Variants in PALM2AKAP2 observed in about 807,000 individuals in gnomAD.
The protein encoded by PALM2AKAP2 is PALM2 and AKAP2 fusion.
A neutral mutation model predicts 71.5 loss-of-function variants in PALM2AKAP2; 37 were observed. The ratio of observed to expected loss-of-function variants is 0.52; its 90% CI spans 0.40 to 0.68. The LOEUF is 0.68. Among genes scored for constraint, PALM2AKAP2 ranks in the 30% least tolerant of loss-of-function variants. The pLI is 0.00. For missense variants in PALM2AKAP2, 1,224 were observed against 1,191.8 expected (o/e 1.03, Z -0.40); for synonymous variants, 468 against 478.8 (o/e 0.98, Z 0.29).
At chr9:109,945,965 T>C (rs1831495229) in intron 6 of PALM2AKAP2, 1 of 152,262 alleles carries the variant, frequency 6.6e-6, no homozygotes, top group Non-Finnish European at 1.5e-5. Context: ...CTCTATACTT[T>C]TATTAGTAAA....
At chr9:109,710,714 C>T (rs1044215439) in intron 1 of PALM2AKAP2, among the ~76,000 whole-genome samples, 1 of 152,164 alleles carries the variant, frequency 6.6e-6, no homozygotes, top group African/African-American at 2.4e-5. Flanking sequence ...CCCTCCTCTC[C>T]TCACCTTGGG....
intron 1 of PALM2AKAP2, among the ~76,000 whole-genome samples, chr9:109,796,616 A>T (rs1827260087): frequency 6.6e-6 from 1 of 152,210 alleles, no homozygotes; most frequent in African/African-American, 2.4e-5. Context: ...ACAGTTCTGC[A>T]TGTCTGGGGA....
intron 1 of PALM2AKAP2, among the ~76,000 whole-genome samples, chr9:109,844,006 T>C (rs1025890233): frequency 4.6e-5 from 7 of 152,188 alleles, no homozygotes; most frequent in African/African-American, 1.7e-4. Flanking sequence ...AAAACAACGG[T>C]TTTGCAGATT....
At chr9:110,051,046 G>A (rs543771415) in intron 1 of PALM2AKAP2, among the ~76,000 whole-genome samples, 5 of 152,340 alleles carry the variant, frequency 3.3e-5, no homozygotes, top group African/African-American at 1.2e-4. Flanking sequence ...AAGTAAGGCT[G>A]CCTGTCTCCC....
At chr9:109,870,510 G>A (rs1400610232) in intron 2 of PALM2AKAP2, among the ~76,000 whole-genome samples, 2 of 152,208 alleles carry the variant, frequency 1.3e-5, no homozygotes, top group African/African-American at 4.8e-5. Context: ...TGCCTAACAC[G>A]TGCCTGGTAC....
intron 2 of PALM2AKAP2, among the ~76,000 whole-genome samples, chr9:110,145,891 CTTTT>C (rs61137720): frequency 1.6e-5 from 1 of 64,454 alleles, no homozygotes. Flanking sequence ...CCTCACTCTT[CTTTT>C]TTTTTTTTTT....
At chr9:110,149,075 G>T (rs569932656) in intron 2 of PALM2AKAP2, among the ~76,000 whole-genome samples, 2 of 152,150 alleles carry the variant, frequency 1.3e-5, no homozygotes, top group African/African-American at 2.4e-5. Flanking sequence ...AAATCCATCC[G>T]GCCTGGAAAA....
chr9:109,766,059 G>A (rs1184245191), intron 1 of PALM2AKAP2, among the ~76,000 whole-genome samples: 1 of 152,118 alleles, frequency 6.6e-6, no homozygotes, highest in African/African-American at 2.4e-5. Context: ...GGCTGTCTTG[G>A]GCTTCTCTGA....
At chr9:109,773,087 C>T (rs1203887168) in intron 1 of PALM2AKAP2, among the ~76,000 whole-genome samples, 2 of 151,738 alleles carry the variant, frequency 1.3e-5, no homozygotes, top group Non-Finnish European at 2.9e-5. Context: ...CACTGCACTC[C>T]AGTCTGGGTG....
chr9:109,669,934 T>C (rs1827550316), intron 1 of PALM2AKAP2, among the ~76,000 whole-genome samples: 3 of 152,008 alleles, frequency 2.0e-5, no homozygotes, highest in African/African-American at 4.8e-5. Flanking sequence ...ATTTTTCTTC[T>C]ATGTATTTTG....
intron 6 of PALM2AKAP2, among the ~76,000 whole-genome samples, chr9:109,992,112 A>G (rs1238494589): frequency 1.3e-5 from 2 of 152,134 alleles, no homozygotes; most frequent in Non-Finnish European, 1.5e-5. Context: ...GAAGTCCAAA[A>G]TCAAGGTGTT....
chr9:109,926,230 T>C (rs1365787811), intron 5 of PALM2AKAP2, among the ~76,000 whole-genome samples: 1 of 152,234 alleles, frequency 6.6e-6, no homozygotes, highest in East Asian at 1.9e-4. Context: ...TGAAGGATAG[T>C]TCTGACTTTG....
At chr9:109,669,306 C>T (rs552341084) in intron 1 of PALM2AKAP2, among the ~76,000 whole-genome samples, 1 of 151,156 alleles carries the variant, frequency 6.6e-6, no homozygotes, top group African/African-American at 2.4e-5. Context: ...TTGTCATATA[C>T]TTTTTTCTAG....
chr9:109,998,007 C>G (rs920667148), intron 6 of PALM2AKAP2, among the ~76,000 whole-genome samples: 6 of 152,174 alleles, frequency 3.9e-5, no homozygotes, highest in Admixed American at 3.3e-4. Flanking sequence ...TTTAAAAATC[C>G]ACAGGGTTAC....
intron 3 of PALM2AKAP2, among the ~76,000 whole-genome samples, chr9:109,897,609 G>A (rs1413121525): frequency 6.6e-6 from 1 of 152,096 alleles, no homozygotes; most frequent in Non-Finnish European, 1.5e-5. Flanking sequence ...ATTTGACAAT[G>A]ACGATAGCTG....
At chr9:110,106,758 G>A (rs1187422829) in intron 1 of PALM2AKAP2, among the ~76,000 whole-genome samples, 1 of 152,216 alleles carries the variant, frequency 6.6e-6, no homozygotes, top group Non-Finnish European at 1.5e-5. Context: ...AAGGGGATAT[G>A]TGCATTTAAA....
chr9:110,075,963 G>A (rs1237678278), intron 1 of PALM2AKAP2, among the ~76,000 whole-genome samples: 1 of 151,498 alleles, frequency 6.6e-6, no homozygotes, highest in Non-Finnish European at 1.5e-5. Context: ...ACTTTATATA[G>A]TCTCAAAAGT....
intron 1 of PALM2AKAP2, among the ~76,000 whole-genome samples, chr9:109,695,262 T>A (rs1003626782): frequency 6.6e-6 from 1 of 152,148 alleles, no homozygotes; most frequent in South Asian, 2.1e-4. Flanking sequence ...GCAAAAAACA[T>A]GGGAATGAAG....
chr9:109,946,500 C>T (rs573893779), intron 6 of PALM2AKAP2: 1 of 151,432 alleles, frequency 6.6e-6, no homozygotes, highest in East Asian at 1.9e-4. Context: ...CCAGCCTGAC[C>T]AACATGGAGA....
Sources: gnomAD v4.1 joint callset for allele counts (sites outside exome capture counted in the v4.1 genomes callset) on GRCh38, gnomAD v4.1.1 for gene constraint, MANE v1.5 for transcripts, NCBI Gene and HGNC (gene_info 2026-07-23, HGNC 2026-07-21) for gene names.